Variants in DLG2 observed in about 807,000 individuals in gnomAD.
DLG2 encodes disks large homolog 2.
Under a neutral mutation model 132.5 loss-of-function variants are expected in DLG2, and 45 were observed. That is an observed-to-expected ratio of 0.34 (90% CI 0.27 to 0.44). The LOEUF (loss-of-function observed/expected upper bound fraction) is 0.44, where lower values mean the gene tolerates loss of function less well. Among genes scored for constraint, DLG2 ranks in the 20% least tolerant of loss-of-function variants. DLG2 has a pLI of 1.00. For missense variants in DLG2, 1,045 were observed against 1,196.9 expected (o/e 0.87, Z 1.87); for synonymous variants, 424 against 419.6 (o/e 1.01, Z -0.13).
In DLG2 at chr11:85,572,146, C is replaced by A. The variant is rs188173413; in HGVS notation, c.40+26511G>T. Among the ~76,000 whole-genome samples, 286 of 152,136 alleles carry A rather than the reference C, an allele frequency of 1.9e-3. 2 individuals carry two copies. Among genetic ancestry groups the A allele is most frequent in the Admixed American group, 0.014 (209 of 15,256 alleles). On this transcript the variant is annotated intron_variant, in intron 3 of 27. Coordinates refer to ENST00000376104, the MANE Select transcript of DLG2 (RefSeq NM_001142699.3). ...GAAAGTTGATTCTGAAAGTTTTGGC[C>A]AGTTTTTTATTTGCTTTTATGGAGG... is the stretch of plus-strand genomic sequence containing the variant.
At chr11:85,453,515 A>G (rs1262971571) in intron 3 of DLG2, 1 of 158,140 alleles carries the variant, frequency 6.3e-6, no homozygotes, top group Non-Finnish European at 1.4e-5. Context: ...AGCAGCAGAG[A>G]TGGTATAGAC....
chr11:85,521,792 G>A (rs1304826323), intron 3 of DLG2, among the ~76,000 whole-genome samples: 1 of 152,134 alleles, frequency 6.6e-6, no homozygotes, highest in East Asian at 1.9e-4. Context: ...ATGACTGATG[G>A]CATTTTGCCC....
At position 84,688,809 on chromosome 11, in the gene DLG2, A is replaced by G. The variant is rs560577806; in HGVS notation, c.358-154078T>C. Among the ~76,000 whole-genome samples the G allele has an allele frequency of 2.0e-4, 31 of 152,258 alleles. 1 individual carries two copies. In the South Asian group the frequency reaches 4.2e-3, roughly 20 times the overall value. ...GTCTGTACATCTCTACAGTGTACTC[A>G]CTGCACACTTCTAGGAGTCTCTCTC... On this transcript the variant is annotated intron_variant, in intron 6 of 27. Transcript: ENST00000376104.
intron 6 of DLG2, among the ~76,000 whole-genome samples, chr11:84,925,667 T>A (rs1371195502): frequency 6.6e-6 from 1 of 152,188 alleles, no homozygotes; most frequent in Admixed American, 6.5e-5. Context: ...TATAACTGCC[T>A]ATGCATATTT....
At chr11:84,455,784 A>G in intron 7 of DLG2, among the ~76,000 whole-genome samples, 1 of 151,360 alleles carries the variant, frequency 6.6e-6, no homozygotes, top group East Asian at 1.9e-4. Flanking sequence ...AGGACTCCAC[A>G]TCCAGGAACA....
intron 11 of DLG2, among the ~76,000 whole-genome samples, chr11:84,008,203 C>A (rs2094675794): frequency 2.0e-5 from 3 of 151,738 alleles, no homozygotes; most frequent in African/African-American, 7.2e-5. Context: ...TAAAATGAGA[C>A]AAATTACAGA....
rs960899853 is a variant in DLG2, at chr11:85,594,827, G to A, written c.40+3830C>T. On this transcript the variant is annotated intron_variant, in intron 3 of 27. Coordinates refer to ENST00000376104, the MANE Select transcript of DLG2 (RefSeq NM_001142699.3). ...GCATGCCTGTAATCCCAGCACTTTC[G>A]GAAGCCAAGGCCAGCAGATCACAAG... Among the ~76,000 whole-genome samples the A allele has an allele frequency of 1.2e-4, 18 of 151,906 alleles. 1 individual carries two copies. Among genetic ancestry groups the A allele is most frequent in the Admixed American group, 2.6e-4 (4 of 15,242 alleles).
intron 4 of DLG2, among the ~76,000 whole-genome samples, chr11:85,280,936 C>T (rs1223223629): frequency 1.3e-5 from 2 of 151,868 alleles, no homozygotes; most frequent in Non-Finnish European, 2.9e-5. Context: ...ACCAATCCAA[C>T]ACAGAATAGC....
intron 3 of DLG2, among the ~76,000 whole-genome samples, chr11:85,294,107 A>G (rs1225754365): frequency 6.6e-6 from 1 of 152,114 alleles, no homozygotes; most frequent in Non-Finnish European, 1.5e-5. Flanking sequence ...ATATGCATAT[A>G]TATGTATATA....
chr11:84,246,117 A>G (rs1232603673), intron 8 of DLG2, among the ~76,000 whole-genome samples: 1 of 152,222 alleles, frequency 6.6e-6, no homozygotes, highest in African/African-American at 2.4e-5. Context: ...AACCTGGTAC[A>G]ATGGCACCCC....
At chr11:84,022,605 A>C (rs1405206720) in intron 11 of DLG2, among the ~76,000 whole-genome samples, 3 of 152,234 alleles carry the variant, frequency 2.0e-5, no homozygotes, top group Non-Finnish European at 4.4e-5. Flanking sequence ...TTAGTGAGGC[A>C]GAAATCATTT....
chr11:84,454,887 A>G (rs945673303), intron 7 of DLG2, among the ~76,000 whole-genome samples: 1 of 151,440 alleles, frequency 6.6e-6, no homozygotes, highest in African/African-American at 2.4e-5. Flanking sequence ...GGGATGATGG[A>G]TGTATTCATT....
At chr11:84,951,551 T>G (rs879194860) in intron 6 of DLG2, among the ~76,000 whole-genome samples, 1 of 151,560 alleles carries the variant, frequency 6.6e-6, no homozygotes, top group East Asian at 1.9e-4. Flanking sequence ...AAATTTTAAC[T>G]ACAATAAGTC....
chr11:84,076,247 A>G (rs1026709749), intron 10 of DLG2, among the ~76,000 whole-genome samples: 13 of 152,220 alleles, frequency 8.5e-5, no homozygotes, highest in Admixed American at 1.3e-4. Context: ...CATAGGCATG[A>G]GGGAAGCAGA....
Position 83,633,194 on chromosome 11 carries a change from A to C in DLG2, c.1940+17T>G, listed in dbSNP as rs373983841. 2 of 1,610,576 alleles carry C rather than the reference A, an allele frequency of 1.2e-6. No individual in the cohort carries two copies. Among genetic ancestry groups the C allele is most frequent in the African/African-American group, 2.7e-5 (2 of 74,834 alleles). The stretch of plus-strand genomic sequence containing the variant: ...ATTGCTCACAAAGTGCAGATAGAGA[A>C]ATACTCCTTTGCCTACCTGACGTAG... On this transcript the variant is annotated intron_variant, in intron 19 of 27. Coordinates refer to ENST00000376104, the MANE Select transcript of DLG2 (RefSeq NM_001142699.3).
At chr11:83,853,673 TAATAAC>T (rs2060108459) in intron 16 of DLG2, among the ~76,000 whole-genome samples, 1 of 152,128 alleles carries the variant, frequency 6.6e-6, no homozygotes, top group African/African-American at 2.4e-5. Context: ...AAAAAGTACC[TAATAAC>T]ACCCATTGAA....
At chr11:85,299,630 C>T (rs1345898635) in intron 3 of DLG2, among the ~76,000 whole-genome samples, 1 of 152,186 alleles carries the variant, frequency 6.6e-6, no homozygotes, top group Non-Finnish European at 1.5e-5. Context: ...CCAAGTCACA[C>T]TCCATTCTTT....
chr11:84,139,114 T>C (rs1458644815), intron 9 of DLG2, among the ~76,000 whole-genome samples: 1 of 152,212 alleles, frequency 6.6e-6, no homozygotes, highest in African/African-American at 2.4e-5. Context: ...CTAGTTGACA[T>C]TTTATGATAG....
chr11:85,416,595 G>T (rs2089874982), intron 3 of DLG2, among the ~76,000 whole-genome samples: 1 of 152,072 alleles, frequency 6.6e-6, no homozygotes, highest in Admixed American at 6.6e-5. Flanking sequence ...TCTTCCATTT[G>T]TTTGTTTCCT....
Sources: gnomAD v4.1 joint callset for allele counts (sites outside exome capture counted in the v4.1 genomes callset) on GRCh38, gnomAD v4.1.1 for gene constraint, MANE v1.5 for transcripts, NCBI Gene and HGNC (gene_info 2026-07-23, HGNC 2026-07-21) for gene names.